CENPP: variants seen among roughly 807,000 people sequenced by gnomAD.
CENPP encodes centromere protein P.
Under a neutral mutation model 35.6 loss-of-function variants are expected in CENPP, and 24 were observed. The observed-to-expected ratio is 0.67, with a 90% CI of 0.49 to 0.95. The LOEUF is 0.95. Among genes scored for constraint, CENPP ranks in the 40% least tolerant of loss-of-function variants. CENPP has a pLI of 0.00. For missense variants in CENPP, 332 were observed against 345.3 expected (o/e 0.96, Z 0.31); for synonymous variants, 120 against 125.5 (o/e 0.96, Z 0.29).
chr9:92,464,818 C>G, intron 5 of CENPP: 1 of 869,886 alleles, frequency 1.1e-6, no homozygotes, highest in Non-Finnish European at 2.0e-6. Context: ...GCAAAGATTT[C>G]TAGTTGCAGT....
At chr9:92,579,013 A>G (rs1169658726) in intron 5 of CENPP, among the ~76,000 whole-genome samples, 1 of 151,768 alleles carries the variant, frequency 6.6e-6, no homozygotes, top group Admixed American at 6.6e-5. Flanking sequence ...TCAGCTTTCT[A>G]CATACGGCTA....
At chr9:92,496,425 G>A in intron 5 of CENPP, 1 of 1,609,390 alleles carries the variant, frequency 6.2e-7, no homozygotes, top group Admixed American at 1.7e-5. Flanking sequence ...AGATGAAGAT[G>A]TTCCAGATTT....
chr9:92,501,014 A>C, intron 5 of CENPP: 1 of 1,614,204 alleles, frequency 6.2e-7, no homozygotes, highest in South Asian at 1.1e-5. Context: ...ACGGGACGTG[A>C]TAGAGCTTGT....
intron 5 of CENPP, among the ~76,000 whole-genome samples, chr9:92,609,695 A>G (rs538169854): frequency 6.6e-6 from 1 of 152,262 alleles, no homozygotes; most frequent in Non-Finnish European, 1.5e-5. Context: ...CTGACCCTGC[A>G]ATCTGTTCTC....
In CENPP at chr9:92,557,464, T is replaced by C. The variant is rs566941047; in HGVS notation, c.565-53850T>C. ...CTTCCTCAGGAACACCAATTATTCT[T>C]AGGTTTGGTCGTTTAACATAATCCC... On this transcript the variant is annotated intron_variant, in intron 5 of 7. Coordinates refer to ENST00000375587, the MANE Select transcript of CENPP (RefSeq NM_001012267.3). Among the ~76,000 whole-genome samples, 33 of 152,344 alleles carry C rather than the reference T, an allele frequency of 2.2e-4. No homozygotes were observed. In the South Asian group the frequency reaches 6.6e-3, roughly 31 times the overall value.
rs1455346383 is a variant in CENPP, at chr9:92,578,603, G to C, written c.565-32711G>C. Reference sequence around the variant, plus strand: ...GTTGGCTGCATAAATGTCTTCTTTTGAGAAGTGTCTGTTCATGTCCTTTGC... The same window carrying C: ...GTTGGCTGCATAAATGTCTTCTTTTCAGAAGTGTCTGTTCATGTCCTTTGC... On this transcript the variant is annotated intron_variant, in intron 5 of 7. Coordinates refer to ENST00000375587, the MANE Select transcript of CENPP (RefSeq NM_001012267.3). Among the ~76,000 whole-genome samples the C allele has an allele frequency of 7.2e-5, 11 of 152,150 alleles. 1 individual carries two copies. Among genetic ancestry groups the C allele is most frequent in the Non-Finnish European group, 1.6e-4 (11 of 68,042 alleles).
chr9:92,555,373 C>T (rs557568919), intron 5 of CENPP, among the ~76,000 whole-genome samples: 3 of 151,692 alleles, frequency 2.0e-5, no homozygotes, highest in East Asian at 3.9e-4. Context: ...ATTACAGATG[C>T]ATACCACCAT....
At chr9:92,417,875 T>G (rs1843666537) in intron 5 of CENPP, among the ~76,000 whole-genome samples, 1 of 151,742 alleles carries the variant, frequency 6.6e-6, no homozygotes, top group Admixed American at 6.6e-5. Context: ...TACAGGTGCA[T>G]GCCACTATGC....
rs149791077 is a variant in CENPP, at chr9:92,546,308, G to A, written c.565-65006G>A. Among the ~76,000 whole-genome samples, 25 of 152,302 alleles carry A rather than the reference G, an allele frequency of 1.6e-4. No individual in the cohort carries two copies. The East Asian group carries it at 3.7e-3, about 22-fold the overall frequency. ...AAGGCAATAAAAGCAGGCTGCCCAAGCTAGCCCTGACAACCCACCAGAGGT... is the reference window on the plus strand; with the variant it reads ...AAGGCAATAAAAGCAGGCTGCCCAAACTAGCCCTGACAACCCACCAGAGGT... On this transcript the variant is annotated intron_variant, in intron 5 of 7. Transcript: ENST00000375587.
intron 4 of CENPP, among the ~76,000 whole-genome samples, chr9:92,357,135 C>G (rs1841609648): frequency 6.6e-6 from 1 of 151,660 alleles, no homozygotes; most frequent in Admixed American, 6.6e-5. Flanking sequence ...GAGTAACAAA[C>G]TATTGTTGCA....
intron 5 of CENPP, chr9:92,502,706 A>C: frequency 7.2e-7 from 1 of 1,389,352 alleles, no homozygotes; most frequent in Non-Finnish European, 9.8e-7. Flanking sequence ...TGATACGTTC[A>C]ATTTCATGGA....
At chr9:92,576,370 G>A (rs1470709722) in intron 5 of CENPP, among the ~76,000 whole-genome samples, 1 of 152,138 alleles carries the variant, frequency 6.6e-6, no homozygotes, top group Non-Finnish European at 1.5e-5. Context: ...GTGTTTAATA[G>A]GTGTCAAGTT....
At position 92,619,506 on chromosome 9, in the gene CENPP, A is replaced by T; in HGVS notation, c.*6357A>T. 1.3e-6 allele frequency: 2 copies of T among 1,592,300 alleles called. No homozygotes were observed. The highest frequency in any genetic ancestry group is 1.7e-6 in the Non-Finnish European group (2 of 1,169,762). ...CTCACCTGGCATCCTGCAGACAGGG[A>T]GACAGTGCAATCATGATGGAGCAGT... On this transcript the variant is annotated 3_prime_UTR_variant, in exon 8 of 8. Coordinates refer to ENST00000375587, the MANE Select transcript of CENPP (RefSeq NM_001012267.3).
intron 5 of CENPP, among the ~76,000 whole-genome samples, chr9:92,482,757 A>G (rs899242604): frequency 6.6e-6 from 1 of 152,266 alleles, no homozygotes; most frequent in African/African-American, 2.4e-5. Context: ...AAATTACTCA[A>G]CCTGTATAGA....
intron 4 of CENPP, among the ~76,000 whole-genome samples, chr9:92,376,427 C>G (rs1262376096): frequency 6.6e-6 from 1 of 152,074 alleles, no homozygotes; most frequent in Non-Finnish European, 1.5e-5. Flanking sequence ...CACGGAAAAC[C>G]AGGACATGAA....
chr9:92,385,457 A>T, intron 5 of CENPP: 1 of 595,600 alleles, frequency 1.7e-6, no homozygotes, highest in Non-Finnish European at 2.9e-6. Context: ...CTTACTTTTT[A>T]CTTATTATAT....
At chr9:92,516,745 A>G (rs1372743527) in intron 5 of CENPP, 1 of 152,216 alleles carries the variant, frequency 6.6e-6, no homozygotes, top group Admixed American at 6.5e-5. Context: ...TTTCACTCCA[A>G]GGAATCCATT....
At chr9:92,372,563 A>G (rs1286839633) in intron 4 of CENPP, among the ~76,000 whole-genome samples, 1 of 152,188 alleles carries the variant, frequency 6.6e-6, no homozygotes, top group Non-Finnish European at 1.5e-5. Context: ...TCATGATGGT[A>G]AATGTCATCC....
At chr9:92,551,961 T>TG (rs1849607553) in intron 5 of CENPP, among the ~76,000 whole-genome samples, 1 of 113,992 alleles carries the variant, frequency 8.8e-6, no homozygotes, top group African/African-American at 5.1e-5. Flanking sequence ...ATGATATATA[T>TG]ATGTGTGATA....
Sources: allele counts gnomAD v4.1 joint callset (sites outside exome capture counted in the v4.1 genomes callset), GRCh38; gene constraint gnomAD v4.1.1; transcripts MANE v1.5; gene names NCBI Gene and HGNC (gene_info 2026-07-23, HGNC 2026-07-21).